The following IQANK1 variants were observed in gnomAD, a reference collection of about 807,000 sequenced individuals.
IQANK1 encodes the protein IQ motif and ankyrin repeat domain-containing protein 1.
IQANK1 carries 30 observed loss-of-function variants against 22.6 expected under a neutral mutation model. The ratio of observed to expected loss-of-function variants is 1.33; its 90% CI spans 0.99 to 1.80. The LOEUF is 1.80. Among genes scored for constraint, IQANK1 ranks in the 40% most tolerant of loss-of-function variants. IQANK1 has a pLI of 0.00. For synonymous variants in IQANK1, 122 were observed against 99.6 expected, an observed-to-expected ratio of 1.23 and a Z score of -1.34; for missense variants, 275 against 235.2, an observed-to-expected ratio of 1.17 and a Z score of -1.11.
At chr8:143,765,193 C>A (rs1554629139) in intron 3 of IQANK1, among the ~76,000 whole-genome samples, 1 of 151,876 alleles carries the variant, frequency 6.6e-6, no homozygotes, top group Non-Finnish European at 1.5e-5. Context: ...CCGTCTCTAC[C>A]AAAAAATACA....
chr8:143,749,175 T>TAATATATA (rs1278476708), intron 3 of IQANK1, among the ~76,000 whole-genome samples: 1 of 123,658 alleles, frequency 8.1e-6, no homozygotes, highest in East Asian at 2.4e-4. Context: ...TCAATATATA[T>TAATATATA]AATATATAAA....
At chr8:143,768,887 C>T (rs1402564869) in intron 3 of IQANK1, among the ~76,000 whole-genome samples, 1 of 151,982 alleles carries the variant, frequency 6.6e-6, no homozygotes, top group Non-Finnish European at 1.5e-5. Flanking sequence ...ATGACTTTGA[C>T]TGTTTGCTGT....
rs1404254868 is a variant in IQANK1, at chr8:143,735,039, C to T, written c.-4-811C>T. On this transcript the variant is annotated intron_variant, in intron 1 of 13. Coordinates refer to ENST00000527139, the MANE Select transcript of IQANK1 (RefSeq NM_001381874.1). The surrounding 1 kb of genome is among the most constrained non-coding windows in gnomAD (Gnocchi z 5.2). ...TCAACCCTTTCTGATGGTCATCAGT[C>T]GCCTTTCTCTTTGTTCCTCTTGCCA... Among the ~76,000 whole-genome samples the T allele has an allele frequency of 2.6e-5, 4 of 152,228 alleles. No individual in the cohort carries two copies. Among genetic ancestry groups the T allele is most frequent in the African/African-American group, 7.2e-5 (3 of 41,448 alleles).
chr8:143,742,117 C>T lies in IQANK1; in HGVS notation c.175+2169C>T, dbSNP rs1277850492. On this transcript the variant is annotated intron_variant, in intron 3 of 13. Coordinates refer to ENST00000527139, the MANE Select transcript of IQANK1 (RefSeq NM_001381874.1). ...AGGATGCAGAACCTCCCTTTGAGCT[C>T]GGTGTTCCCTGCTCCTCACAGAGCC... 5.2e-5 allele frequency: 18 copies of T among 344,382 alleles called. No homozygotes were observed. In the Admixed American group the frequency reaches 6.8e-4, roughly 13 times the overall value. The allele number at this position is 344,382 out of a possible 1,614,324, so 21.3% of individuals were successfully genotyped here.
rs1554632209 is a variant in IQANK1 at position 143,790,484 on chromosome 8, A to G, written c.1559A>G (p.Gln520Arg). 3 of 416,120 alleles carry G rather than the reference A, an allele frequency of 7.2e-6. No homozygotes were observed. Among genetic ancestry groups the G allele is most frequent in the East Asian group, 7.1e-5 (2 of 28,164 alleles). The allele number at this position is 416,120 out of a possible 1,614,324, so 25.8% of individuals were successfully genotyped here. ...GACGGGCCTGAGTATAGCCCCACGC[A>G]GTTCCAGGAGCAGCGGCTGGAGCAC... is the stretch of plus-strand genomic sequence containing the variant. ...PTDGPEYSPT[Q>R]FQEQRLEHFR... Residue 520 changes from glutamine (Q) to arginine (R), a missense_variant, in exon 14 of 14, where the codon CAG becomes CGG. Coordinates refer to ENST00000527139, the MANE Select transcript of IQANK1 (RefSeq NM_001381874.1).
At chr8:143,759,166 GCAGCAAGAGACATGGC>G (rs1819345709) in intron 3 of IQANK1, 1 of 268,568 alleles carries the variant, frequency 3.7e-6, no homozygotes, top group Non-Finnish European at 7.2e-6. Flanking sequence ...TGGGCTGCAG[GCAGCAAGAGACATGGC>G]CAGCAGCCGT....
rs541469559 is a variant in IQANK1, at chr8:143,787,744, G to A, written c.790-1171G>A. On this transcript the variant is annotated intron_variant, in intron 7 of 13. Coordinates refer to ENST00000527139, the MANE Select transcript of IQANK1 (RefSeq NM_001381874.1). Reference sequence around the variant, plus strand: ...GTGGGAACGCCGGCGGCTCACCCGCGCACCCCACCTCCTTCCCCTCATCCT... The same window carrying A: ...GTGGGAACGCCGGCGGCTCACCCGCACACCCCACCTCCTTCCCCTCATCCT... 1.2e-4 allele frequency among the ~76,000 whole-genome samples: 17 copies of A among 147,022 alleles called. No homozygotes were observed. The South Asian group carries it at 1.4e-3, about 12-fold the overall frequency.
chr8:143,753,009 T>G lies in IQANK1; in HGVS notation c.175+13061T>G, dbSNP rs539820362. The stretch of plus-strand genomic sequence containing the variant: ...TACTCTCTGTTCGTTTTTTTTTTTT[T>G]TTTTTTTTTTTTGAGACAGGGTCTC... On this transcript the variant is annotated intron_variant, in intron 3 of 13. Coordinates refer to ENST00000527139, the MANE Select transcript of IQANK1 (RefSeq NM_001381874.1). Among the ~76,000 whole-genome samples the G allele has an allele frequency of 5.5e-3, 759 of 138,864 alleles. 11 individuals carry two copies. Among genetic ancestry groups the G allele is most frequent in the African/African-American group, 0.019 (696 of 36,692 alleles). The allele number at this position is 138,864 out of a possible 152,430, so 91.1% of individuals were successfully genotyped here.
Position 143,790,001 on chromosome 8 carries a change from A to G in IQANK1, c.1226A>G (p.Gln409Arg). The G allele has an allele frequency of 1.6e-6, 2 of 1,232,082 alleles. No individual in the cohort carries two copies. Among genetic ancestry groups the G allele is most frequent in the Non-Finnish European group, 2.0e-6 (2 of 988,032 alleles). 76.3% of individuals were successfully genotyped at this position (1,232,082 alleles called of 1,614,324 possible). ...GAAGAGGCGCCTGGGCTGAAGTGCC[A>G]GGTCACCGAGCTGCACGATGTGCTG... is the stretch of plus-strand genomic sequence containing the variant. ...GEEEAPGLKCQVTELHDVLMK... is the reference protein window; with the variant it reads ...GEEEAPGLKCRVTELHDVLMK... The change falls in exon 12 of 14, where the codon CAG (glutamine) becomes CGG (arginine). Residue 409 changes from glutamine to arginine, a missense_variant. Transcript: ENST00000527139.
At chr8:143,780,695 A>G (rs1819781134) in intron 7 of IQANK1, among the ~76,000 whole-genome samples, 1 of 152,170 alleles carries the variant, frequency 6.6e-6, no homozygotes, top group Non-Finnish European at 1.5e-5. Flanking sequence ...CACGGTGTGC[A>G]TGTACCACAT....
intron 3 of IQANK1, among the ~76,000 whole-genome samples, chr8:143,750,966 G>GTGTGTGTT (rs1554627959): frequency 6.6e-6 from 1 of 150,596 alleles, no homozygotes; most frequent in Non-Finnish European, 1.5e-5. Flanking sequence ...GTGTGTGTGT[G>GTGTGTGTT]TTTTTTTGTA....
intron 7 of IQANK1, among the ~76,000 whole-genome samples, chr8:143,775,636 C>A (rs1255428350): frequency 6.6e-6 from 1 of 152,026 alleles, no homozygotes; most frequent in Admixed American, 6.6e-5. Context: ...GTGGTGGGCA[C>A]CTCTAATCCC....
Position 143,771,570 on chromosome 8 carries a change from G to C in IQANK1, c.258G>C (p.Arg86=), listed in dbSNP as rs1465061774. 4 of 398,418 alleles carry C rather than the reference G, an allele frequency of 1.0e-5. No homozygotes were observed. In the Admixed American group the frequency reaches 1.8e-4, roughly 18 times the overall value. The allele number at this position is 398,418 out of a possible 1,614,324, so 24.7% of individuals were successfully genotyped here. Residue 86 remains arginine (R), a synonymous_variant, in exon 4 of 14, where the codon CGG becomes CGC. Transcript: ENST00000527139. The surrounding 1 kb of genome is among the most constrained non-coding windows in gnomAD (Gnocchi z 6.0). The stretch of plus-strand genomic sequence containing the variant: ...CCAGGAGGGAGCTCGCCCGCCGCCG[G>C]GAGGAGCGCCGGGAGTACCTGGAGC... ...LRARRELARR[R]EERREYLEQM... is the part of the protein sequence containing the mutation.
At chr8:143,777,945 A>G (rs1434298305) in intron 7 of IQANK1, among the ~76,000 whole-genome samples, 4 of 152,236 alleles carry the variant, frequency 2.6e-5, no homozygotes, top group Non-Finnish European at 5.9e-5. Context: ...CTGTAATCCC[A>G]GCACTTTGGA....
Position 143,735,852 on chromosome 8 carries a change from G to T in IQANK1, c.-2G>T, listed in dbSNP as rs1554625590. ...GTCCTTCCCTACCCACCCCCCAGGAGAATGGACAGTAAGAAGGGGAGACCC... is the reference window on the plus strand; with the variant it reads ...GTCCTTCCCTACCCACCCCCCAGGATAATGGACAGTAAGAAGGGGAGACCC... On this transcript the variant is annotated splice_region_variant and 5_prime_UTR_variant, in exon 2 of 14. Transcript: ENST00000527139. This position sits in a 1 kb window ranked among gnomAD's most constrained non-coding sequence, Gnocchi z 5.2. 7.1e-6 allele frequency: 5 copies of T among 702,504 alleles called. No individual in the cohort carries two copies. The highest frequency in any genetic ancestry group is 1.7e-5 in the African/African-American group (1 of 57,176). 43.5% of individuals were successfully genotyped at this position (702,504 alleles called of 1,614,324 possible). A position where few individuals can be genotyped will look rare whatever the true frequency, so the allele number is the denominator to read the frequency against.
chr8:143,763,298 G>A (rs1480245339), intron 3 of IQANK1, among the ~76,000 whole-genome samples: 1 of 152,370 alleles, frequency 6.6e-6, no homozygotes, highest in Admixed American at 6.5e-5. Flanking sequence ...ACAGGCGTGA[G>A]CCACCGTGCC....
intron 3 of IQANK1, among the ~76,000 whole-genome samples, chr8:143,748,886 C>CATATATATATAAATATATATATCATAT (rs567977254): frequency 1.0e-5 from 1 of 96,828 alleles, no homozygotes; most frequent in Non-Finnish European, 1.9e-5. Flanking sequence ...ATATATATAT[C>CATATATATATAAATATATATATCATAT]ATAAATACTT....
intron 7 of IQANK1, among the ~76,000 whole-genome samples, chr8:143,781,183 G>A (rs1186159237): frequency 6.6e-6 from 1 of 151,960 alleles, no homozygotes; most frequent in Non-Finnish European, 1.5e-5. Flanking sequence ...GTTTTCTCTT[G>A]TAAGTTTGTA....
intron 3 of IQANK1, among the ~76,000 whole-genome samples, chr8:143,764,176 A>T (rs907888176): frequency 6.6e-6 from 1 of 152,154 alleles, no homozygotes; most frequent in Admixed American, 6.6e-5. Context: ...TTCCACCTGC[A>T]CAGGAAAGGT....
Sources: gnomAD v4.1 joint callset for allele counts (sites outside exome capture counted in the v4.1 genomes callset) on GRCh38, gnomAD v4.1.1 for gene constraint, Gnocchi (gnomAD v3.1) non-coding constraint, MANE v1.5 for transcripts, NCBI Gene and HGNC (gene_info 2026-07-23, HGNC 2026-07-21) for gene names.